The following TMEM245 variants were observed in gnomAD, a reference collection of about 807,000 sequenced individuals.
TMEM245 encodes protein CG-2.
TMEM245 carries 69 observed loss-of-function variants against 101.2 expected under a neutral mutation model. The observed-to-expected ratio is 0.68, with a 90% CI of 0.56 to 0.83. The LOEUF (loss-of-function observed/expected upper bound fraction) is 0.83. Ranked by LOEUF, TMEM245 falls within the 40% of genes least tolerant of loss-of-function variation. The pLI is 0.00. For missense variants in TMEM245, 1,075 were observed against 1,092.8 expected (o/e 0.98, Z 0.23); for synonymous variants, 537 against 449.8 (o/e 1.19, Z -2.45).
intron 14 of TMEM245, among the ~76,000 whole-genome samples, chr9:109,046,871 A>T (rs1344393472): frequency 1.3e-5 from 2 of 152,236 alleles, no homozygotes; most frequent in Admixed American, 1.3e-4. Context: ...GAAAAATCCA[A>T]CAGGAGCTCT....
rs1016550461 is a variant in TMEM245, at chr9:109,107,118, T to C, written c.698-509A>G. ...ATGTTTACAAGTTGGCTGGGCGCAG[T>C]GGCTCACACCTGTAATCCCAGCACT... On this transcript the variant is annotated intron_variant, in intron 2 of 17. Coordinates refer to ENST00000374586, the MANE Select transcript of TMEM245 (RefSeq NM_032012.4). 2.6e-5 allele frequency among the ~76,000 whole-genome samples: 4 copies of C among 152,184 alleles called. No individual in the cohort carries two copies. The East Asian group carries it at 7.7e-4, about 29-fold the overall frequency.
At chr9:109,052,011 C>G (rs1411336979) in intron 12 of TMEM245, among the ~76,000 whole-genome samples, 1 of 152,162 alleles carries the variant, frequency 6.6e-6, no homozygotes, top group Non-Finnish European at 1.5e-5. Flanking sequence ...TGATTTGTCA[C>G]CTACACATTC....
At chr9:109,110,478 G>C (rs1226989354) in intron 1 of TMEM245, among the ~76,000 whole-genome samples, 1 of 152,034 alleles carries the variant, frequency 6.6e-6, no homozygotes, top group Non-Finnish European at 1.5e-5. Flanking sequence ...AAGAAGCATG[G>C]TGCTAGAATA....
intron 9 of TMEM245, among the ~76,000 whole-genome samples, chr9:109,065,294 G>A (rs1829133615): frequency 6.6e-6 from 1 of 152,140 alleles, no homozygotes; most frequent in Non-Finnish European, 1.5e-5. Context: ...TTGGAAACCT[G>A]TTAGAAATGA....
At chr9:109,109,953 A>G (rs1830525134) in intron 1 of TMEM245, among the ~76,000 whole-genome samples, 1 of 152,146 alleles carries the variant, frequency 6.6e-6, no homozygotes, top group African/African-American at 2.4e-5. Context: ...TTGGGTGGTA[A>G]AATTTTGTTT....
chr9:109,021,698 G>A (rs568171598), intron 17 of TMEM245, among the ~76,000 whole-genome samples: 2 of 152,096 alleles, frequency 1.3e-5, no homozygotes, highest in Admixed American at 1.3e-4. Context: ...ATACTTTTGG[G>A]AGGCTAAGGT....
At chr9:109,071,762 G>A (rs1588051430) in intron 9 of TMEM245, among the ~76,000 whole-genome samples, 1 of 152,246 alleles carries the variant, frequency 6.6e-6, no homozygotes, top group South Asian at 2.1e-4. Context: ...TGACTGTCTT[G>A]AGGTTAATAA....
At chr9:109,052,502 T>C (rs1179110460) in intron 12 of TMEM245, among the ~76,000 whole-genome samples, 2 of 152,224 alleles carry the variant, frequency 1.3e-5, no homozygotes, top group Admixed American at 6.5e-5. Flanking sequence ...GTCTTCTCCA[T>C]TCCTTTCCTA....
At chr9:109,077,924 T>C (rs1266129617) in intron 8 of TMEM245, among the ~76,000 whole-genome samples, 1 of 152,226 alleles carries the variant, frequency 6.6e-6, no homozygotes, top group South Asian at 2.1e-4. Context: ...AGTATTGTCA[T>C]GACCAGGGTT....
intron 2 of TMEM245, 106 bp from the exon 3 acceptor site, chr9:109,106,715 G>T: frequency 1.5e-6 from 1 of 659,122 alleles, no homozygotes; most frequent in Non-Finnish European, 2.4e-6. Context: ...ATATATATTA[G>T]TTACAGAATT....
At chr9:109,084,083 T>TG (rs1438241022) in intron 7 of TMEM245, among the ~76,000 whole-genome samples, 1 of 93,532 alleles carries the variant, frequency 1.1e-5, no homozygotes, top group African/African-American at 4.1e-5. Flanking sequence ...TGTCTCAAAT[T>TG]TAAAAAAAAA....
At chr9:109,118,541 C>T (rs1420669081) in intron 1 of TMEM245, among the ~76,000 whole-genome samples, 1 of 152,158 alleles carries the variant, frequency 6.6e-6, no homozygotes, top group African/African-American at 2.4e-5. Context: ...GAAATCTTTC[C>T]AATTCTAAAG....
At chr9:109,088,897 G>GC (rs34990486) in intron 5 of TMEM245, among the ~76,000 whole-genome samples, 140,796 of 150,886 alleles carry the variant, frequency 0.93, 65,796 homozygotes, top group East Asian at 1. Context: ...AGGAAGCATG[G>GC]CATGGTATCT....
intron 10 of TMEM245, among the ~76,000 whole-genome samples, chr9:109,063,703 C>A (rs769400916): frequency 6.6e-6 from 1 of 152,164 alleles, no homozygotes; most frequent in African/African-American, 2.4e-5. Flanking sequence ...CATTCATTTC[C>A]CCTTCACAAA....
At chr9:109,060,982 G>GT (rs1828994647) in intron 10 of TMEM245, among the ~76,000 whole-genome samples, 1 of 152,230 alleles carries the variant, frequency 6.6e-6, no homozygotes, top group South Asian at 2.1e-4. Flanking sequence ...CTGAGACAAC[G>GT]TAACTTAGAG....
intron 7 of TMEM245, among the ~76,000 whole-genome samples, chr9:109,082,222 T>C (rs1588059436): frequency 6.6e-6 from 1 of 152,180 alleles, no homozygotes; most frequent in Non-Finnish European, 1.5e-5. Flanking sequence ...AAGAGATCAA[T>C]GCTAAAGTGA....
At chr9:109,053,381 C>T (rs553211451) in intron 12 of TMEM245, among the ~76,000 whole-genome samples, 1 of 152,064 alleles carries the variant, frequency 6.6e-6, no homozygotes, top group Non-Finnish European at 1.5e-5. Flanking sequence ...GAGCTGGGAT[C>T]GTGCCACTGT....
At chr9:109,047,745 G>A (rs905350386) in intron 14 of TMEM245, among the ~76,000 whole-genome samples, 1 of 152,178 alleles carries the variant, frequency 6.6e-6, no homozygotes, top group African/African-American at 2.4e-5. Flanking sequence ...ATTACTTGAG[G>A]AAAATGGAAG....
chr9:109,107,378 G>A (rs554929223), intron 2 of TMEM245, among the ~76,000 whole-genome samples: 2 of 148,264 alleles, frequency 1.3e-5, no homozygotes, highest in African/African-American at 2.5e-5. Flanking sequence ...CAGCCTGGGC[G>A]ATGGAGTGAG....
Sources: allele counts gnomAD v4.1 joint callset (sites outside exome capture counted in the v4.1 genomes callset), GRCh38; gene constraint gnomAD v4.1.1; transcripts MANE v1.5; gene names NCBI Gene and HGNC (gene_info 2026-07-23, HGNC 2026-07-21).